ERC1: variants seen among roughly 807,000 people sequenced by gnomAD.
The protein encoded by ERC1 is ELKS/RAB6-interacting/CAST family member 1, also known as RAB6 interacting protein 2.
In ERC1, 56 loss-of-function variants were observed where a neutral mutation model predicts 132.0. The observed-to-expected ratio is 0.42, with a 90% confidence interval of 0.34 to 0.53. ERC1 has a LOEUF of 0.53. Ranked by LOEUF, ERC1 falls within the 20% of genes least tolerant of loss-of-function variation. The pLI is 0.03. For missense variants in ERC1, 1,202 were observed against 1,349.9 expected (o/e 0.89, Z 1.72); for synonymous variants, 478 against 476.1 (o/e 1.00, Z -0.05).
chr12:1,191,438 G>A (rs568696622), intron 12 of ERC1, among the ~76,000 whole-genome samples: 22 of 152,274 alleles, frequency 1.4e-4, no homozygotes, highest in African/African-American at 5.1e-4. Flanking sequence ...TGATTGATTA[G>A]TGACTTCCCA....
intron 13 of ERC1, among the ~76,000 whole-genome samples, chr12:1,254,332 A>C (rs1024297740): frequency 6.6e-6 from 1 of 152,006 alleles, no homozygotes; most frequent in African/African-American, 2.4e-5. Context: ...CATGGAATAA[A>C]ACTCTCTCTC....
At chr12:1,332,904 C>G (rs775488812) in intron 15 of ERC1, among the ~76,000 whole-genome samples, 1 of 152,096 alleles carries the variant, frequency 6.6e-6, no homozygotes, top group African/African-American at 2.4e-5. Context: ...ATTTTAAGTA[C>G]AGGGGTACAT....
chr12:1,185,704 C>T (rs1049779449), intron 11 of ERC1, among the ~76,000 whole-genome samples: 1 of 150,036 alleles, frequency 6.7e-6, no homozygotes, highest in Non-Finnish European at 1.5e-5. Context: ...TCTCACCTCT[C>T]CCTTCCCGAA....
intron 15 of ERC1, among the ~76,000 whole-genome samples, chr12:1,368,148 C>G (rs2086843181): frequency 6.6e-6 from 1 of 151,932 alleles, no homozygotes; most frequent in Non-Finnish European, 1.5e-5. Context: ...ACTAGCAAGC[C>G]TCCCCTTTCT....
At chr12:1,488,715 T>C (rs542257473) in intron 18 of ERC1, among the ~76,000 whole-genome samples, 7 of 152,226 alleles carry the variant, frequency 4.6e-5, no homozygotes, top group Non-Finnish European at 8.8e-5. Context: ...TTTTCCTCCT[T>C]TCTTTCCTAA....
rs1253239937 is a variant in ERC1, at chr12:1,418,579, TTCTTTCTTTC to T, written c.3024+10344_3024+10353del. On this transcript the variant is annotated intron_variant, in intron 17 of 18. Coordinates refer to ENST00000360905, the MANE Select transcript of ERC1 (RefSeq NM_178040.4). The stretch of plus-strand genomic sequence containing the variant: ...TGAAGTCTTCATTTTCTTTCTTTCT[TTCTTTCTTTC>T]TCTTTCTTTCTTTCTTTCTTTCTTT... Among the ~76,000 whole-genome samples, 63 of 108,900 alleles carry T rather than the reference TTCTTTCTTTC, an allele frequency of 5.8e-4. 1 individual carries two copies. Among genetic ancestry groups the T allele is most frequent in the East Asian group, 7.1e-4 (3 of 4,196 alleles). The allele number at this position is 108,900 out of a possible 152,430, so 71.4% of individuals were successfully genotyped here.
At chr12:991,493 G>A (rs1959221932) in intron 1 of ERC1, 171 bp downstream of exon 1, 1 of 152,270 alleles carries the variant, frequency 6.6e-6, no homozygotes, top group African/African-American at 2.4e-5. Flanking sequence ...TGTAGGTGAG[G>A]CTTCGCGACC....
intron 1 of ERC1, among the ~76,000 whole-genome samples, chr12:1,025,462 T>C (rs1592766216): frequency 6.6e-6 from 1 of 152,218 alleles, no homozygotes; most frequent in Non-Finnish European, 1.5e-5. Flanking sequence ...TAATACTTTG[T>C]CATTTTGACA....
At chr12:1,138,046 A>G (rs34283288) in intron 7 of ERC1, among the ~76,000 whole-genome samples, 6,650 of 121,664 alleles carry the variant, frequency 0.055, 629 homozygotes, top group African/African-American at 0.2. Context: ...TATATAAAAT[A>G]CAATTATATA....
In ERC1 at chr12:1,189,983, T is replaced by C. The variant is rs1170055954; in HGVS notation, c.2282T>C (p.Leu761Pro). 6.2e-7 allele frequency: 1 copy of C among 1,613,924 alleles called. No individual in the cohort carries two copies. Among genetic ancestry groups the C allele is most frequent in the East Asian group, 2.2e-5 (1 of 44,884 alleles). The change falls in exon 12 of 19, where the codon CTC becomes CCC. Residue 761 changes from leucine (L) to proline (P), a missense_variant. Coordinates refer to ENST00000360905, the MANE Select transcript of ERC1 (RefSeq NM_178040.4). ...AAGGCCCAGGCAGAAGTTGATCGAC[T>C]CTTAGAAATCTTGAAGGAGGTGGAA... ...SSKAQAEVDR[L>P]LEILKEVENE...
rs377671282 is a variant in ERC1 at position 1,007,516 on chromosome 12, T to TTCTCTCTCTC, written c.-157+16210_-157+16219dup. ...TCTTTCTCTCTCTCTCACTGGGTAA[T>TTCTCTCTCTC]TCTCTCTCTCTCTCTCTCTCTCTCT... On this transcript the variant is annotated intron_variant, in intron 1 of 18. Coordinates refer to ENST00000360905, the MANE Select transcript of ERC1 (RefSeq NM_178040.4). 8.7e-3 allele frequency among the ~76,000 whole-genome samples: 1,070 copies of TTCTCTCTCTC among 122,682 alleles called. 5 individuals are homozygous for TTCTCTCTCTC. Among genetic ancestry groups the TTCTCTCTCTC allele is most frequent in the Middle Eastern group, 0.038 (9 of 238 alleles). The allele number at this position is 122,682 out of a possible 152,430, so 80.5% of individuals were successfully genotyped here.
At chr12:1,049,066 A>G (rs1565859889) in intron 2 of ERC1, among the ~76,000 whole-genome samples, 2 of 152,234 alleles carry the variant, frequency 1.3e-5, no homozygotes, top group Non-Finnish European at 2.9e-5. Context: ...GCTACTGTGC[A>G]TATTTGGAAG....
chr12:1,411,822 C>T (rs1175072071), intron 17 of ERC1, among the ~76,000 whole-genome samples: 1 of 152,220 alleles, frequency 6.6e-6, no homozygotes, highest in East Asian at 1.9e-4. Context: ...TGTCGCAAAT[C>T]CTTTTTCTGG....
At position 1,039,908 on chromosome 12, in the gene ERC1, C is replaced by T. The variant is rs544156718; in HGVS notation, c.669+11336C>T. Reference sequence around the variant, plus strand: ...GAAGATACAGTTTTATATATATGTTCTCATCCAGCTCGATTTGTGTTTTGG... The same window carrying T: ...GAAGATACAGTTTTATATATATGTTTTCATCCAGCTCGATTTGTGTTTTGG... On this transcript the variant is annotated intron_variant, in intron 2 of 18. Coordinates refer to ENST00000360905, the MANE Select transcript of ERC1 (RefSeq NM_178040.4). Among the ~76,000 whole-genome samples the T allele has an allele frequency of 4.6e-5, 7 of 152,262 alleles. No homozygotes were observed. In the South Asian group the frequency reaches 1.5e-3, roughly 32 times the overall value.
At chr12:1,201,719 G>T (rs528911888) in intron 12 of ERC1, among the ~76,000 whole-genome samples, 2 of 152,244 alleles carry the variant, frequency 1.3e-5, no homozygotes, top group African/African-American at 4.8e-5. Flanking sequence ...TGAATTGATA[G>T]TCATTTACTG....
intron 12 of ERC1, among the ~76,000 whole-genome samples, chr12:1,230,854 A>C (rs570234727): frequency 6.6e-6 from 1 of 152,166 alleles, no homozygotes; most frequent in Non-Finnish European, 1.5e-5. Flanking sequence ...CTGAAAGTCT[A>C]TTGTGTCTGA....
At position 1,183,311 on chromosome 12, in the gene ERC1, T is replaced by G. The variant is rs1954695913; in HGVS notation, c.2047T>G (p.Ser683Ala). 1.9e-6 allele frequency: 3 copies of G among 1,575,422 alleles called. No homozygotes were observed. Among genetic ancestry groups the G allele is most frequent in the Non-Finnish European group, 2.6e-6 (3 of 1,155,146 alleles). The change falls in exon 11 of 19, where the codon TCT becomes GCT. Residue 683 changes from serine to alanine, a missense_variant. Ser to Ala is a moderately conservative substitution (Grantham distance 99). Coordinates refer to ENST00000360905, the MANE Select transcript of ERC1 (RefSeq NM_178040.4). ...ACTTTTGGATCTGAAAGAGCATGCT[T>G]CTTCTCTGGCATCCTCAGGACTGAA... The part of the protein sequence containing the change: ...ASLLDLKEHA[S>A]SLASSGLKKD...
chr12:1,129,274 A>G (rs184657734), intron 7 of ERC1, among the ~76,000 whole-genome samples: 215 of 152,236 alleles, frequency 1.4e-3, no homozygotes, highest in African/African-American at 5.1e-3. Flanking sequence ...GGAGTTTGAG[A>G]CCAGCCGGGG....
At chr12:1,343,495 A>G (rs2084120638) in intron 15 of ERC1, among the ~76,000 whole-genome samples, 1 of 152,068 alleles carries the variant, frequency 6.6e-6, no homozygotes, top group African/African-American at 2.4e-5. Flanking sequence ...TAGTACAAAA[A>G]CTGTATGTCT....
Sources: gnomAD v4.1 joint callset for allele counts (sites outside exome capture counted in the v4.1 genomes callset) on GRCh38, gnomAD v4.1.1 for gene constraint, MANE v1.5 for transcripts, NCBI Gene and HGNC (gene_info 2026-07-23, HGNC 2026-07-21) for gene names.